Variants in OLFM1 observed in about 807,000 individuals in gnomAD.
OLFM1 encodes noelin.
In OLFM1, 9 loss-of-function variants were observed where a neutral mutation model predicts 49.7. The ratio of observed to expected loss-of-function variants is 0.18; its 90% CI spans 0.11 to 0.32. OLFM1 has a LOEUF of 0.32. Ranked by LOEUF, OLFM1 falls within the 10% of genes least tolerant of loss-of-function variation. OLFM1 has a pLI of 1.00. For synonymous variants in OLFM1, 240 were observed against 271.8 expected (o/e 0.88, Z 1.15); for missense variants, 369 against 661.8 (o/e 0.56, Z 4.85).
At chr9:135,092,447 A>C (rs1830729292) in intron 2 of OLFM1, among the ~76,000 whole-genome samples, 1 of 152,240 alleles carries the variant, frequency 6.6e-6, no homozygotes, top group Admixed American at 6.5e-5. Flanking sequence ...CCACCTGAGT[A>C]AATCATTTTA....
intron 5 of OLFM1, among the ~76,000 whole-genome samples, chr9:135,111,384 G>A (rs1233523570): frequency 3.9e-5 from 6 of 152,202 alleles, no homozygotes; most frequent in East Asian, 3.9e-4. Flanking sequence ...CTCGCTCGCC[G>A]TCTGGCCGCA....
chr9:135,107,607 C>T (rs982195479), intron 5 of OLFM1, among the ~76,000 whole-genome samples: 6 of 152,156 alleles, frequency 3.9e-5, no homozygotes, highest in African/African-American at 1.2e-4. Context: ...TGAAGGCTCT[C>T]GATGGGGGAG....
Position 135,119,493 on chromosome 9 carries a change from T to C in OLFM1, c.784-11T>C, listed in dbSNP as rs1429766542. On this transcript the variant is annotated splice_polypyrimidine_tract_variant and intron_variant, in intron 5 of 5. Transcript: ENST00000371793. ...TGGAAGTGCTCACCACCGGGTCTGCTCTCTCCACAGGTGTGGTACATGGAC... is the reference window on the plus strand; with the variant it reads ...TGGAAGTGCTCACCACCGGGTCTGCCCTCTCCACAGGTGTGGTACATGGAC... 6.3e-7 allele frequency: 1 copy of C among 1,584,612 alleles called. No homozygotes were observed. The highest frequency in any genetic ancestry group is 8.6e-7 in the Non-Finnish European group (1 of 1,165,286).
chr9:135,077,837 G>C (rs1830487543), intron 1 of OLFM1, among the ~76,000 whole-genome samples: 1 of 152,212 alleles, frequency 6.6e-6, no homozygotes, highest in African/African-American at 2.4e-5. Flanking sequence ...ATCCTAATGT[G>C]TTGGGATTTT....
Position 135,087,846 on chromosome 9 carries a change from CGGCG to C in OLFM1, c.-134_-131del. 5.3e-6 allele frequency: 5 copies of C among 942,216 alleles called. No homozygotes were observed. Among genetic ancestry groups the C allele is most frequent in the Non-Finnish European group, 5.0e-6 (4 of 793,674 alleles). The allele number at this position is 942,216 out of a possible 1,614,324, so 58.4% of individuals were successfully genotyped here. On this transcript the variant is annotated 5_prime_UTR_variant, in exon 1 of 6. It removes the in-frame stop codon of an upstream open reading frame in the 5' UTR. Coordinates refer to ENST00000371793, the MANE Select transcript of OLFM1 (RefSeq NM_001282611.2). ...GCCGGGGCGCGCGGGGCGGCGGCGG[CGGCG>C]GGCGGGCGGCGGCGGGCCGAGGGGG...
chr9:135,099,619 G>A (rs943343519), intron 4 of OLFM1, among the ~76,000 whole-genome samples: 5 of 152,132 alleles, frequency 3.3e-5, no homozygotes, highest in East Asian at 1.9e-4. Context: ...CTCAGTGAAC[G>A]CACAAAGCTT....
intron 4 of OLFM1, among the ~76,000 whole-genome samples, chr9:135,103,861 G>T (rs1830902888): frequency 6.6e-6 from 1 of 152,186 alleles, no homozygotes; most frequent in South Asian, 2.1e-4. Flanking sequence ...AGGGGGCACT[G>T]TTGTTATTAG....
rs1181177295 is a variant in OLFM1, at chr9:135,098,842, C to T, written c.676+337C>T. Among the ~76,000 whole-genome samples the T allele has an allele frequency of 1.3e-5, 2 of 152,206 alleles. No individual in the cohort carries two copies. The highest frequency in any genetic ancestry group is 2.9e-5 in the Non-Finnish European group (2 of 68,034). ...GAAGACACCAGTTTAATAGGGCTGGCAATAACATCTCAGATTCCTCCGGAT... is the reference window on the plus strand; with the variant it reads ...GAAGACACCAGTTTAATAGGGCTGGTAATAACATCTCAGATTCCTCCGGAT... On this transcript the variant is annotated intron_variant, in intron 4 of 5. Coordinates refer to ENST00000371793, the MANE Select transcript of OLFM1 (RefSeq NM_001282611.2). The surrounding 1 kb of genome is among the most constrained non-coding windows in gnomAD (Gnocchi z 5.6).
chr9:135,096,305 T>TTCC (rs762323851), intron 3 of OLFM1, among the ~76,000 whole-genome samples: 16 of 133,992 alleles, frequency 1.2e-4, no homozygotes, highest in Non-Finnish European at 1.3e-4. Context: ...CATCCTCCTT[T>TTCC]TCCTCCTCCC....
At chr9:135,087,612 C>A, upstream of OLFM1, 4 of 707,438 alleles carry the variant, frequency 5.7e-6, no homozygotes, top group Non-Finnish European at 7.9e-6. Flanking sequence ...GTCGGTCCCG[C>A]CCGGCCGAGC....
Position 135,088,158 on chromosome 9 carries a change from C to A in OLFM1, c.150+19C>A. On this transcript the variant is annotated intron_variant, in intron 1 of 5. Transcript: ENST00000371793. The surrounding 1 kb of genome is among the most constrained non-coding windows in gnomAD (Gnocchi z 4.8). ...CACCGGCGTAAGTGCGCCCGCCGGC[C>A]GCCTTGGCGCGGCTCCTCCTCCTCC... is the stretch of plus-strand genomic sequence containing the variant. The A allele has an allele frequency of 7.6e-7, 1 of 1,315,832 alleles. No homozygotes were observed. Among genetic ancestry groups the A allele is most frequent in the South Asian group, 2.0e-5 (1 of 49,022 alleles). The allele number at this position is 1,315,832 out of a possible 1,614,324, so 81.5% of individuals were successfully genotyped here.
chr9:135,097,847 T>C, intron 3 of OLFM1: 3 of 1,609,650 alleles, frequency 1.9e-6, no homozygotes, highest in Middle Eastern at 1.7e-4. Context: ...CATGTAACCA[T>C]GAAAGAGAGC....
chr9:135,096,995 T>C (rs78382614), intron 3 of OLFM1, among the ~76,000 whole-genome samples: 1 of 152,190 alleles, frequency 6.6e-6, no homozygotes, highest in African/African-American at 2.4e-5. Context: ...AAACGTTATA[T>C]GCCGCCTTAA....
intron 2 of OLFM1, 145 bp from the exon 3 acceptor site, chr9:135,095,719 G>GCCTTGTAAATAATGC: frequency 1.2e-6 from 1 of 806,772 alleles, no homozygotes; most frequent in Admixed American, 2.3e-5. Context: ...CGATGCTGGC[G>GCCTTGTAAATAATGC]ATTACCTTGT....
At chr9:135,079,676 C>A (rs1274745578) in intron 1 of OLFM1, among the ~76,000 whole-genome samples, 2 of 152,144 alleles carry the variant, frequency 1.3e-5, no homozygotes, top group Non-Finnish European at 2.9e-5. Context: ...GCCTGGAAAC[C>A]CTGACTCTCA....
chr9:135,095,708 G>C (rs754076228), intron 2 of OLFM1, among the ~76,000 whole-genome samples, 156 bp from the exon 3 acceptor site: 1 of 152,118 alleles, frequency 6.6e-6, no homozygotes, highest in Non-Finnish European at 1.5e-5. Context: ...CTCACAGTCC[G>C]CGATGCTGGC....
chr9:135,082,371 G>A (rs1246494800), intron 1 of OLFM1, among the ~76,000 whole-genome samples: 2 of 148,998 alleles, frequency 1.3e-5, no homozygotes, highest in African/African-American at 5.0e-5. Context: ...CCTGCCGCGG[G>A]GATTTCCCTA....
chr9:135,076,683 C>A, intron 1 of OLFM1: 1 of 1,352,144 alleles, frequency 7.4e-7, no homozygotes, highest in Non-Finnish European at 9.8e-7. Context: ...CTGTGCCACG[C>A]TCTGAACTGG....
At chr9:135,115,319 G>A (rs968446421) in intron 5 of OLFM1, among the ~76,000 whole-genome samples, 1 of 152,194 alleles carries the variant, frequency 6.6e-6, no homozygotes, top group Non-Finnish European at 1.5e-5. Flanking sequence ...GGAGGCCGGC[G>A]AAGCCTTACC....
Sources: allele counts gnomAD v4.1 joint callset (sites outside exome capture counted in the v4.1 genomes callset), GRCh38; gene constraint gnomAD v4.1.1; non-coding constraint Gnocchi (gnomAD v3.1); transcripts MANE v1.5; gene names NCBI Gene and HGNC (gene_info 2026-07-23, HGNC 2026-07-21).